Variants in SPEN observed in about 807,000 individuals in gnomAD.
The protein encoded by SPEN is msx2-interacting protein.
SPEN carries 18 observed loss-of-function variants against 269.9 expected under a neutral mutation model. The observed-to-expected ratio is 0.07, with a 90% CI of 0.05 to 0.10. The LOEUF (loss-of-function observed/expected upper bound fraction) is 0.10, where lower values mean the gene tolerates loss of function less well. Ranked by LOEUF, SPEN falls within the 10% of genes least tolerant of loss-of-function variation. The pLI, the probability that SPEN is intolerant of heterozygous loss-of-function variation, is 1.00. For synonymous variants in SPEN, 1,726 were observed against 1,765.7 expected (o/e 0.98, Z 0.56); for missense variants, 3,822 against 4,631.2 (o/e 0.83, Z 5.07).
rs999056956 is a variant in SPEN at position 15,902,550 on chromosome 1, G to T, written c.882-6771G>T. Among the ~76,000 whole-genome samples the T allele has an allele frequency of 3.3e-5, 5 of 152,118 alleles. No individual in the cohort carries two copies. In the South Asian group the frequency reaches 1.0e-3, roughly 32 times the overall value. On this transcript the variant is annotated intron_variant, in intron 3 of 14. Transcript: ENST00000375759. The stretch of plus-strand genomic sequence containing the variant: ...TTATGGGCCAGGAATGGTGGCTCAC[G>T]CCTATAATCTGCACTTTTGGAGGCC...
At chr1:15,855,306 G>A (rs1407561313) in intron 1 of SPEN, among the ~76,000 whole-genome samples, 1 of 151,930 alleles carries the variant, frequency 6.6e-6, no homozygotes, top group African/African-American at 2.4e-5. Context: ...GACTTTGATT[G>A]TTATATTCCC....
chr1:15,936,498 AATT>A (rs566468667), intron 11 of SPEN, among the ~76,000 whole-genome samples: 3 of 151,722 alleles, frequency 2.0e-5, no homozygotes, highest in African/African-American at 7.3e-5. Flanking sequence ...AAATTACAAA[AATT>A]AGCCAGGTGT....
At position 15,932,962 on chromosome 1, in the gene SPEN, G is replaced by C; in HGVS notation, c.6722G>C (p.Gly2241Ala). 1 of 1,614,182 alleles carries C rather than the reference G, an allele frequency of 6.2e-7. No individual in the cohort carries two copies. The highest frequency in any genetic ancestry group is 1.3e-5 in the African/African-American group (1 of 75,034). The change falls in exon 11 of 15, where the codon GGA becomes GCA. Residue 2241 changes from glycine to alanine, a missense_variant. Physicochemically the swap from Gly to Ala is moderately conservative, Grantham distance 60. Coordinates refer to ENST00000375759, the MANE Select transcript of SPEN (RefSeq NM_015001.3). This position sits in a 1 kb window ranked among gnomAD's most constrained non-coding sequence, Gnocchi z 4.2. ...TTCCCAGCACCTCCACCTTATCCTG[G>C]AGAATCCCAGACAGATCTGCAACCC... ...ENFPAPPPYP[G>A]ESQTDLQPPA...
intron 3 of SPEN, among the ~76,000 whole-genome samples, chr1:15,898,603 A>C (rs2070865734): frequency 7.4e-6 from 1 of 134,970 alleles, no homozygotes; most frequent in Non-Finnish European, 1.5e-5. Flanking sequence ...TCTGTTGCCC[A>C]GGCTAGAGTG....
chr1:15,849,444 C>T (rs1451592299), intron 1 of SPEN, among the ~76,000 whole-genome samples: 1 of 152,228 alleles, frequency 6.6e-6, no homozygotes, highest in African/African-American at 2.4e-5. Flanking sequence ...GTTACTGGGG[C>T]ATTAAACCCT....
chr1:15,850,882 C>T (rs910444021), intron 1 of SPEN, among the ~76,000 whole-genome samples: 2 of 152,110 alleles, frequency 1.3e-5, no homozygotes, highest in Non-Finnish European at 2.9e-5. Flanking sequence ...ACTTTAAGTG[C>T]CTACTCTTAT....
intron 4 of SPEN, among the ~76,000 whole-genome samples, chr1:15,909,914 A>C (rs1257545048): frequency 6.6e-6 from 1 of 152,070 alleles, no homozygotes; most frequent in East Asian, 1.9e-4. Flanking sequence ...TCACGAGGTC[A>C]GGAGATCGAG....
intron 3 of SPEN, among the ~76,000 whole-genome samples, chr1:15,877,825 C>G (rs762681994): frequency 1.0e-4 from 15 of 149,200 alleles, no homozygotes; most frequent in Non-Finnish European, 1.9e-4. Flanking sequence ...GCTCACAGCA[C>G]CCTCCACCTC....
rs1055068699 is a variant in SPEN, at chr1:15,847,760, C to T, written c.-308C>T. On this transcript the variant is annotated 5_prime_UTR_variant, in exon 1 of 15. Coordinates refer to ENST00000375759, the MANE Select transcript of SPEN (RefSeq NM_015001.3). Reference sequence around the variant, plus strand: ...CAGCTCCGTCGTAGTCGCTGCCGCCCGTGTCCCGCTCGCCCCTCCTCCCGC... The same window carrying T: ...CAGCTCCGTCGTAGTCGCTGCCGCCTGTGTCCCGCTCGCCCCTCCTCCCGC... The T allele has an allele frequency of 4.6e-4, 91 of 199,072 alleles. 1 individual carries two copies. In the Admixed American group the frequency reaches 5.1e-3, roughly 11 times the overall value. 12.3% of individuals were successfully genotyped at this position (199,072 alleles called of 1,614,324 possible). A position where few individuals can be genotyped will look rare whatever the true frequency, so the allele number is the denominator to read the frequency against.
chr1:15,849,552 G>C (rs573962958), intron 1 of SPEN, among the ~76,000 whole-genome samples: 6 of 152,272 alleles, frequency 3.9e-5, no homozygotes, highest in African/African-American at 9.6e-5. Flanking sequence ...CGGCAGGCCG[G>C]GGGGAGGTGC....
chr1:15,869,637 G>T (rs1403644430), intron 1 of SPEN, among the ~76,000 whole-genome samples: 1 of 150,312 alleles, frequency 6.7e-6, no homozygotes, highest in East Asian at 2.0e-4. Flanking sequence ...TTGCTCTATT[G>T]CCCAGGCTGG....
chr1:15,862,785 G>A (rs2070460560), intron 1 of SPEN, among the ~76,000 whole-genome samples: 2 of 149,688 alleles, frequency 1.3e-5, no homozygotes, highest in East Asian at 4.0e-4. Flanking sequence ...TTTTTGAGAC[G>A]GAGTCTCGCT....
intron 1 of SPEN, among the ~76,000 whole-genome samples, chr1:15,866,566 G>T (rs1394250601): frequency 6.6e-6 from 1 of 152,092 alleles, no homozygotes; most frequent in Non-Finnish European, 1.5e-5. Flanking sequence ...TGTTAGCCAG[G>T]ATAGTCTCGA....
chr1:15,928,059 A>G lies in SPEN; in HGVS notation c.1851-32A>G. On this transcript the variant is annotated intron_variant, in intron 10 of 14. Transcript: ENST00000375759. The surrounding 1 kb of genome is among the most constrained non-coding windows in gnomAD (Gnocchi z 5.7). Reference sequence around the variant, plus strand: ...TTTATGCATAAGTGATGAGGAAACAAAAGAACTAATATCTTTGTTATTTTT... The same window carrying G: ...TTTATGCATAAGTGATGAGGAAACAGAAGAACTAATATCTTTGTTATTTTT... The G allele has an allele frequency of 6.5e-7, 1 of 1,546,014 alleles. No individual in the cohort carries two copies. Among genetic ancestry groups the G allele is most frequent in the Non-Finnish European group, 8.7e-7 (1 of 1,143,202 alleles).
At chr1:15,859,614 C>T (rs2070422753) in intron 1 of SPEN, among the ~76,000 whole-genome samples, 1 of 151,962 alleles carries the variant, frequency 6.6e-6, no homozygotes. Flanking sequence ...TGTGATCCGC[C>T]CGCCTCGGCC....
chr1:15,858,884 C>T (rs1467815496), intron 1 of SPEN, among the ~76,000 whole-genome samples: 1 of 152,180 alleles, frequency 6.6e-6, no homozygotes, highest in African/African-American at 2.4e-5. Context: ...GCAGAGGCAG[C>T]AGTGAGCCGA....
intron 1 of SPEN, among the ~76,000 whole-genome samples, chr1:15,858,900 C>T (rs967256430): frequency 1.3e-5 from 2 of 152,146 alleles, no homozygotes; most frequent in South Asian, 2.1e-4. Context: ...GCCGATACTG[C>T]GCTGCCGCAC....
At chr1:15,883,805 TTC>T (rs1198781590) in intron 3 of SPEN, among the ~76,000 whole-genome samples, 9 of 123,062 alleles carry the variant, frequency 7.3e-5, no homozygotes, top group African/African-American at 1.7e-4. Context: ...CAATTTAAGA[TTC>T]TTTTTTTTTT....
Position 15,928,599 on chromosome 1 carries a change from A to G in SPEN, c.2359A>G (p.Lys787Glu), listed in dbSNP as rs1232254044. 6.2e-7 allele frequency: 1 copy of G among 1,614,164 alleles called. No homozygotes were observed. Among genetic ancestry groups the G allele is most frequent in the Non-Finnish European group, 8.5e-7 (1 of 1,180,044 alleles). Residue 787 changes from lysine to glutamate, a missense_variant, in exon 11 of 15, where the codon AAA (lysine) becomes GAA (glutamate). Physicochemically the swap from Lys to Glu is moderately conservative, Grantham distance 56. This residue lies in a region of SPEN where 572 missense variants were observed against 582.6 expected (regional missense o/e 0.98). Transcript: ENST00000375759. This position sits in a 1 kb window ranked among gnomAD's most constrained non-coding sequence, Gnocchi z 5.7. ...CAAGTCTCGTTTGGAGCGCTATACAAAAAATGAAAAGACAGATAAAGAACG... is the reference window on the plus strand; with the variant it reads ...CAAGTCTCGTTTGGAGCGCTATACAGAAAATGAAAAGACAGATAAAGAACG... ...LDKSRLERYT[K>E]NEKTDKERTF...
Sources: allele counts gnomAD v4.1 joint callset (sites outside exome capture counted in the v4.1 genomes callset), GRCh38; gene constraint gnomAD v4.1.1; regional missense constraint gnomAD v4.1.1; non-coding constraint Gnocchi (gnomAD v3.1); transcripts MANE v1.5; gene names NCBI Gene and HGNC (gene_info 2026-07-23, HGNC 2026-07-21).